Variants in MYO3B observed in about 807,000 individuals in gnomAD.
The protein encoded by MYO3B is myosin IIIB, also known as myosin-IIIb.
Under a neutral mutation model 174.6 loss-of-function variants are expected in MYO3B, and 156 were observed. That is an observed-to-expected ratio of 0.89 (90% CI 0.78 to 1.02). The LOEUF (loss-of-function observed/expected upper bound fraction) is 1.02, where lower values mean the gene tolerates loss of function less well. MYO3B is among the 50% of genes least tolerant of loss of function. The pLI, the probability that MYO3B is intolerant of heterozygous loss-of-function variation, is 0.00. For missense variants in MYO3B, 1,632 were observed against 1,639.4 expected (o/e 1.00, Z 0.08); for synonymous variants, 563 against 569.1 (o/e 0.99, Z 0.15).
chr2:170,200,250 A>G lies in MYO3B; in HGVS notation c.287A>G (p.His96Arg). Residue 96 changes from histidine to arginine, a missense_variant, in exon 3 of 35, where the codon CAC becomes CGC. Transcript: ENST00000408978. Reference sequence around the variant, plus strand: ...TATGGGATGTTTTACAAAGCGGATCACTGTGTAGGGGGACAGCTGTGGCTG... The same window carrying G: ...TATGGGATGTTTTACAAAGCGGATCGCTGTGTAGGGGGACAGCTGTGGCTG... ...KFYGMFYKAD[H>R]CVGGQLWLVL... The G allele has an allele frequency of 6.2e-7, 1 of 1,613,272 alleles. No individual in the cohort carries two copies. The highest frequency in any genetic ancestry group is 8.5e-7 in the Non-Finnish European group (1 of 1,179,582).
intron 28 of MYO3B, among the ~76,000 whole-genome samples, chr2:170,502,280 G>A (rs975428552): frequency 6.6e-6 from 1 of 152,138 alleles, no homozygotes; most frequent in African/African-American, 2.4e-5. Context: ...TATGTCCCTC[G>A]TCTGTTAAAT....
At chr2:170,249,448 T>C (rs2093228037) in intron 7 of MYO3B, among the ~76,000 whole-genome samples, 3 of 152,174 alleles carry the variant, frequency 2.0e-5, no homozygotes, top group Non-Finnish European at 4.4e-5. Flanking sequence ...CATATCAACA[T>C]TTGCTTGAGG....
chr2:170,520,345 T>C (rs1688595393), intron 30 of MYO3B, among the ~76,000 whole-genome samples: 2 of 151,746 alleles, frequency 1.3e-5, no homozygotes, highest in African/African-American at 4.8e-5. Flanking sequence ...CCCAGGTAAT[T>C]GGGAGGCTGA....
chr2:170,457,832 A>G (rs773336835), intron 23 of MYO3B, among the ~76,000 whole-genome samples: 17 of 152,130 alleles, frequency 1.1e-4, no homozygotes, highest in Non-Finnish European at 1.5e-4. Flanking sequence ...GTGGCTCACT[A>G]CAACCTCTGC....
rs199931271 is a variant in MYO3B, at chr2:170,179,816, TA to T, written c.2+1528del. Among the ~76,000 whole-genome samples the T allele has an allele frequency of 2.2e-3, 335 of 152,322 alleles. 9 individuals are homozygous for T. The East Asian group carries it at 0.047, about 21-fold the overall frequency. ...ACTTGCTTATGTATTGGTTTGGAAT[TA>T]TTCTCTAATTTACTCACGCTTGTAT... On this transcript the variant is annotated intron_variant, in intron 1 of 34. Transcript: ENST00000408978.
At chr2:170,364,820 C>T (rs189491488) in intron 8 of MYO3B, among the ~76,000 whole-genome samples, 73 of 152,284 alleles carry the variant, frequency 4.8e-4, no homozygotes, top group African/African-American at 1.7e-3. Flanking sequence ...ACTACAAAGT[C>T]TTAAGCAACA....
chr2:170,602,032 A>G (rs1694541844), intron 32 of MYO3B: 1 of 911,296 alleles, frequency 1.1e-6, no homozygotes, highest in Non-Finnish European at 1.9e-6. Context: ...GTCTTTGTCC[A>G]CCTTTGCCAT....
chr2:170,600,189 T>G (rs1404507365), intron 32 of MYO3B, among the ~76,000 whole-genome samples: 1 of 152,024 alleles, frequency 6.6e-6, no homozygotes, highest in Non-Finnish European at 1.5e-5. Flanking sequence ...ACTCAGATGT[T>G]CAGTATTCCT....
intron 32 of MYO3B, among the ~76,000 whole-genome samples, chr2:170,646,403 T>C (rs1698380582): frequency 6.6e-6 from 1 of 152,090 alleles, no homozygotes; most frequent in Non-Finnish European, 1.5e-5. Context: ...TGGGTTTTTT[T>C]CTTTTTTTGG....
At chr2:170,286,002 G>C (rs577172085) in intron 7 of MYO3B, among the ~76,000 whole-genome samples, 1 of 152,106 alleles carries the variant, frequency 6.6e-6, no homozygotes, top group East Asian at 1.9e-4. Context: ...CATATATCTA[G>C]ATCCCACCTA....
intron 32 of MYO3B, among the ~76,000 whole-genome samples, chr2:170,626,132 C>G (rs1696403726): frequency 1.3e-5 from 2 of 152,128 alleles, no homozygotes; most frequent in Non-Finnish European, 2.9e-5. Context: ...TCTCGTTGAT[C>G]TGTTTAATGT....
chr2:170,365,464 G>A (rs563245087), intron 8 of MYO3B, among the ~76,000 whole-genome samples: 1 of 152,174 alleles, frequency 6.6e-6, no homozygotes, highest in African/African-American at 2.4e-5. Context: ...ATTGTGGCTA[G>A]TTCTAGTGCT....
intron 32 of MYO3B, chr2:170,602,159 G>C: frequency 8.1e-7 from 1 of 1,239,006 alleles, no homozygotes. Context: ...CACTCCTCCC[G>C]ACAAGTTTGC....
chr2:170,504,853 G>A (rs1687521367), intron 28 of MYO3B, among the ~76,000 whole-genome samples: 2 of 152,282 alleles, frequency 1.3e-5, no homozygotes, highest in South Asian at 2.1e-4. Context: ...GATTCCAGGA[G>A]CAGGTTTCAG....
chr2:170,416,540 A>G (rs1415301423), intron 22 of MYO3B, among the ~76,000 whole-genome samples: 2 of 151,202 alleles, frequency 1.3e-5, no homozygotes, highest in Non-Finnish European at 2.9e-5. Flanking sequence ...AAAAAAAAAA[A>G]AAAGATACCA....
chr2:170,229,849 A>G (rs1216412924), intron 6 of MYO3B, among the ~76,000 whole-genome samples: 1 of 152,224 alleles, frequency 6.6e-6, no homozygotes, highest in Non-Finnish European at 1.5e-5. Context: ...TCTTTGTGCA[A>G]GAGAGGGTGG....
chr2:170,482,099 A>G lies in MYO3B; in HGVS notation c.3014+15388A>G, dbSNP rs150279416. Among the ~76,000 whole-genome samples, 1,126 of 151,976 alleles carry G rather than the reference A, an allele frequency of 7.4e-3. 18 individuals are homozygous for G. Among genetic ancestry groups the G allele is most frequent in the African/African-American group, 0.026 (1,072 of 41,442 alleles). ...TCCCTTGTTGTTGTAGTGATAGTGAATAAGTCTCAGGAGATCTGATGGTTT... is the reference window on the plus strand; with the variant it reads ...TCCCTTGTTGTTGTAGTGATAGTGAGTAAGTCTCAGGAGATCTGATGGTTT... On this transcript the variant is annotated intron_variant, in intron 25 of 34. Transcript: ENST00000408978.
chr2:170,236,621 T>C (rs2093073822), intron 7 of MYO3B, among the ~76,000 whole-genome samples: 1 of 152,174 alleles, frequency 6.6e-6, no homozygotes. Flanking sequence ...CAGTGGAAAA[T>C]TGTGCGGAAA....
At chr2:170,441,609 A>T (rs1156539367) in intron 22 of MYO3B, among the ~76,000 whole-genome samples, 2 of 152,196 alleles carry the variant, frequency 1.3e-5, no homozygotes, top group African/African-American at 4.8e-5. Flanking sequence ...TATGCTTAAT[A>T]AGGGGTAGAT....
Sources: gnomAD v4.1 joint callset for allele counts (sites outside exome capture counted in the v4.1 genomes callset) on GRCh38, gnomAD v4.1.1 for gene constraint, MANE v1.5 for transcripts, NCBI Gene and HGNC (gene_info 2026-07-23, HGNC 2026-07-21) for gene names.